TMEM233: variants seen among roughly 807,000 people sequenced by gnomAD.
TMEM233 encodes transmembrane protein 233.
A neutral mutation model predicts 11.2 loss-of-function variants in TMEM233; 6 were observed. That is an observed-to-expected ratio of 0.54 (90% confidence interval 0.29 to 1.06). TMEM233 has a LOEUF of 1.06. TMEM233 is among the 50% of genes least tolerant of loss of function. The pLI, the probability that TMEM233 is intolerant of heterozygous loss-of-function variation, is 0.08. For synonymous variants in TMEM233, 59 were observed against 55.8 expected (o/e 1.06, Z -0.26); for missense variants, 127 against 144.7 (o/e 0.88, Z 0.63).
intron 1 of TMEM233, among the ~76,000 whole-genome samples, chr12:119,605,133 G>T (rs1954247106): frequency 1.3e-5 from 2 of 150,528 alleles, no homozygotes; most frequent in African/African-American, 2.4e-5. Context: ...AACTTTATTT[G>T]TTCTTTGCTG....
rs552874725 is a variant in TMEM233, at chr12:119,595,295, T to C, written c.186+1261T>C. ...CTCGCCTGCAGCTGGGCCACGGAACTCCCCGGCCACAGACGCAGAGCCCTG... is the reference window on the plus strand; with the variant it reads ...CTCGCCTGCAGCTGGGCCACGGAACCCCCCGGCCACAGACGCAGAGCCCTG... On this transcript the variant is annotated intron_variant, in intron 1 of 2. Coordinates refer to ENST00000426426, the MANE Select transcript of TMEM233 (RefSeq NM_001136534.3). This position sits in a 1 kb window ranked among gnomAD's most constrained non-coding sequence, Gnocchi z 4.3. Among the ~76,000 whole-genome samples, 121 of 152,160 alleles carry C rather than the reference T, an allele frequency of 8.0e-4. No individual in the cohort carries two copies. The highest frequency in any genetic ancestry group is 1.5e-3 in the South Asian group (7 of 4,808).
chr12:119,623,580 T>C (rs1954689977), intron 1 of TMEM233, among the ~76,000 whole-genome samples: 1 of 148,744 alleles, frequency 6.7e-6, no homozygotes, highest in Admixed American at 6.7e-5. Flanking sequence ...ATTAGCTGGT[T>C]GTGGTGGTAT....
At chr12:119,617,386 C>T (rs550802841) in intron 1 of TMEM233, among the ~76,000 whole-genome samples, 133 of 152,194 alleles carry the variant, frequency 8.7e-4, no homozygotes, top group South Asian at 5.2e-3. Flanking sequence ...AACAGACTGG[C>T]GACATTTTGC....
intron 1 of TMEM233, among the ~76,000 whole-genome samples, chr12:119,626,849 A>G (rs1046147920): frequency 1.3e-5 from 2 of 152,242 alleles, no homozygotes; most frequent in African/African-American, 4.8e-5. Context: ...TCATGCACTC[A>G]TTCAGTCAAT....
chr12:119,606,236 GTA>G (rs1279026067), intron 1 of TMEM233, among the ~76,000 whole-genome samples: 2 of 152,104 alleles, frequency 1.3e-5, no homozygotes, highest in East Asian at 3.8e-4. Context: ...GTGGAAAAAA[GTA>G]TCAGACTATG....
At chr12:119,600,335 A>T (rs1954136408) in intron 1 of TMEM233, among the ~76,000 whole-genome samples, 1 of 151,642 alleles carries the variant, frequency 6.6e-6, no homozygotes, top group Non-Finnish European at 1.5e-5. Flanking sequence ...AAAATAAAAC[A>T]GCCAGAGAAG....
downstream of TMEM233, among the ~76,000 whole-genome samples, chr12:119,644,365 A>G (rs1955124144): frequency 6.6e-6 from 1 of 152,166 alleles, no homozygotes; most frequent in African/African-American, 2.4e-5. Context: ...TTTGCTAGGC[A>G]AAAAAACAAA....
At chr12:119,635,102 G>A (rs1664847839) in intron 2 of TMEM233, among the ~76,000 whole-genome samples, 1 of 152,196 alleles carries the variant, frequency 6.6e-6, no homozygotes, top group Non-Finnish European at 1.5e-5. Flanking sequence ...CAGGTGAAAG[G>A]TTTAAATATA....
chr12:119,643,373 C>T (rs991690542), downstream of TMEM233, among the ~76,000 whole-genome samples: 1 of 152,224 alleles, frequency 6.6e-6, no homozygotes, highest in East Asian at 1.9e-4. Flanking sequence ...AGGTCCTAAG[C>T]TCTAAGAAGG....
At chr12:119,638,216 T>C (rs1443252874) in intron 2 of TMEM233, among the ~76,000 whole-genome samples, 1 of 152,024 alleles carries the variant, frequency 6.6e-6, no homozygotes, top group Admixed American at 6.6e-5. Context: ...TCCCAGCACT[T>C]TGGGAGGCAG....
Position 119,607,198 on chromosome 12 carries a change from CAA to C in TMEM233, c.186+13166_186+13167del, listed in dbSNP as rs1374867508. On this transcript the variant is annotated intron_variant, in intron 1 of 2. Coordinates refer to ENST00000426426, the MANE Select transcript of TMEM233 (RefSeq NM_001136534.3). ...ATAAAGAGTTATAATATGTAGAGCACAAACTCTATCATCAGACCCACCAGGGT... is the reference window on the plus strand; with the variant it reads ...ATAAAGAGTTATAATATGTAGAGCACACTCTATCATCAGACCCACCAGGGT... Among the ~76,000 whole-genome samples the C allele has an allele frequency of 2.6e-5, 4 of 152,278 alleles. No individual in the cohort carries two copies. In the South Asian group the frequency reaches 8.3e-4, roughly 32 times the overall value.
At chr12:119,605,600 T>C (rs1809618817) in intron 1 of TMEM233, among the ~76,000 whole-genome samples, 1 of 151,798 alleles carries the variant, frequency 6.6e-6, no homozygotes, top group African/African-American at 2.4e-5. Flanking sequence ...AGCTAAACTT[T>C]TTTGTATTTA....
At chr12:119,640,224 G>A (rs893828424) in intron 2 of TMEM233, among the ~76,000 whole-genome samples, 4 of 152,028 alleles carry the variant, frequency 2.6e-5, no homozygotes, top group African/African-American at 9.7e-5. Flanking sequence ...GCACAATCTC[G>A]GCTCACTGCA....
chr12:119,626,515 GAGGAGAAGGGAGA>G lies in TMEM233; in HGVS notation c.187-3217_187-3205del, dbSNP rs1426145998. Among the ~76,000 whole-genome samples, 37 of 55,326 alleles carry G rather than the reference GAGGAGAAGGGAGA, an allele frequency of 6.7e-4. 1 individual carries two copies. The highest frequency in any genetic ancestry group is 2.0e-3 in the Admixed American group (11 of 5,444). 36.3% of individuals were successfully genotyped at this position (55,326 alleles called of 152,430 possible). A position where few individuals can be genotyped will look rare whatever the true frequency, so the allele number is the denominator to read the frequency against. The stretch of plus-strand genomic sequence containing the variant: ...GAAAAAGGAGGAGGAGGAGGAGGAG[GAGGAGAAGGGAGA>G]AGGGAGAAGGGAGAAGAGAAGAGAA... On this transcript the variant is annotated intron_variant, in intron 1 of 2. Transcript: ENST00000426426.
chr12:119,632,409 T>C (rs1354056231), intron 2 of TMEM233, among the ~76,000 whole-genome samples: 4 of 152,206 alleles, frequency 2.6e-5, no homozygotes, highest in African/African-American at 9.6e-5. Context: ...AATATGTTCC[T>C]GCTAGTACAC....
intron 1 of TMEM233, among the ~76,000 whole-genome samples, chr12:119,619,256 T>A (rs993021823): frequency 2.0e-5 from 3 of 152,182 alleles, no homozygotes; most frequent in Admixed American, 6.5e-5. Flanking sequence ...CTCTTTCCTT[T>A]ATAAATTGCC....
chr12:119,618,503 G>C (rs958755969), intron 1 of TMEM233, among the ~76,000 whole-genome samples: 1 of 152,188 alleles, frequency 6.6e-6, no homozygotes, highest in African/African-American at 2.4e-5. Flanking sequence ...TAGGGAAGGG[G>C]GCTGTACCCT....
rs1002473497 is a variant in TMEM233, at chr12:119,594,877, G to C, written c.186+843G>C. ...GTTCCTCCCCGTTTGCTGCGCACTGGCCCTAACCTCTCTTCTCTTGGTGTC... is the reference window on the plus strand; with the variant it reads ...GTTCCTCCCCGTTTGCTGCGCACTGCCCCTAACCTCTCTTCTCTTGGTGTC... On this transcript the variant is annotated intron_variant, in intron 1 of 2. Transcript: ENST00000426426. The surrounding 1 kb of genome is among the most constrained non-coding windows in gnomAD (Gnocchi z 5.6). Among the ~76,000 whole-genome samples the C allele has an allele frequency of 6.6e-6, 1 of 152,150 alleles. No individual in the cohort carries two copies.
Position 119,626,538 on chromosome 12 carries a change from GGAGAAGAGAAGAGAAGAGAAGAGAA to G in TMEM233, c.187-3162_187-3138del, listed in dbSNP as rs199737179. ...AGGAGGAGAAGGGAGAAGGGAGAAG[GGAGAAGAGAAGAGAAGAGAAGAGAA>G]GAGAAGAGAAGAGAAGAGAAGAGAA... On this transcript the variant is annotated intron_variant, in intron 1 of 2. Transcript: ENST00000426426. Among the ~76,000 whole-genome samples the G allele has an allele frequency of 3.0e-3, 189 of 63,824 alleles. 5 individuals are homozygous for G. The highest frequency in any genetic ancestry group is 0.012 in the South Asian group (20 of 1,676). 41.9% of individuals were successfully genotyped at this position (63,824 alleles called of 152,430 possible). A position where few individuals can be genotyped will look rare whatever the true frequency, so the allele number is the denominator to read the frequency against.
Sources: allele counts gnomAD v4.1 joint callset (sites outside exome capture counted in the v4.1 genomes callset), GRCh38; gene constraint gnomAD v4.1.1; non-coding constraint Gnocchi (gnomAD v3.1); transcripts MANE v1.5; gene names NCBI Gene and HGNC (gene_info 2026-07-23, HGNC 2026-07-21).